SDCCAG8: variants seen among roughly 807,000 people sequenced by gnomAD.
SDCCAG8 encodes serologically defined colon cancer antigen 8.
Under a neutral mutation model 101.8 loss-of-function variants are expected in SDCCAG8, and 74 were observed. That is an observed-to-expected ratio of 0.73 (90% confidence interval 0.60 to 0.88). SDCCAG8 has a LOEUF of 0.88. Ranked by LOEUF, SDCCAG8 falls within the 40% of genes least tolerant of loss-of-function variation. SDCCAG8 has a pLI of 0.00. For missense variants in SDCCAG8, 787 were observed against 822.6 expected (o/e 0.96, Z 0.53); for synonymous variants, 281 against 292.9 (o/e 0.96, Z 0.41).
chr1:243,497,145 C>T (rs183594885), intron 17 of SDCCAG8, among the ~76,000 whole-genome samples: 50 of 152,224 alleles, frequency 3.3e-4, no homozygotes, highest in Non-Finnish European at 4.0e-4. Context: ...AAATAAGCAT[C>T]GTGGATATCC....
At chr1:243,413,132 T>C (rs2080298648) in intron 13 of SDCCAG8, among the ~76,000 whole-genome samples, 1 of 152,238 alleles carries the variant, frequency 6.6e-6, no homozygotes, top group Non-Finnish European at 1.5e-5. Context: ...GTAGAAGTCT[T>C]TTAAATTGTT....
chr1:243,326,295 A>G (rs2074144916), intron 9 of SDCCAG8, among the ~76,000 whole-genome samples: 2 of 152,198 alleles, frequency 1.3e-5, no homozygotes, highest in South Asian at 4.1e-4. Flanking sequence ...TCTGAAGATT[A>G]GTTTTTAAAA....
At chr1:243,296,213 C>T (rs923762738) in intron 6 of SDCCAG8, among the ~76,000 whole-genome samples, 1 of 152,128 alleles carries the variant, frequency 6.6e-6, no homozygotes, top group Non-Finnish European at 1.5e-5. Context: ...TCAAGCTAGT[C>T]TCAAACTCCT....
chr1:243,257,758 T>C (rs2066886427), intron 1 of SDCCAG8, among the ~76,000 whole-genome samples: 1 of 152,202 alleles, frequency 6.6e-6, no homozygotes, highest in African/African-American at 2.4e-5. Context: ...CTCAACCTAC[T>C]GATGTTTCAA....
At chr1:243,369,679 G>T (rs948217711) in intron 12 of SDCCAG8, among the ~76,000 whole-genome samples, 7 of 152,020 alleles carry the variant, frequency 4.6e-5, no homozygotes, top group Non-Finnish European at 8.8e-5. Context: ...ATACAACCTG[G>T]GCAAGAGACA....
At chr1:243,296,713 T>A (rs528636508) in intron 6 of SDCCAG8, among the ~76,000 whole-genome samples, 11 of 151,632 alleles carry the variant, frequency 7.3e-5, no homozygotes, top group African/African-American at 2.7e-4. Context: ...CGGCTAATTT[T>A]TTTTTGTATT....
intron 12 of SDCCAG8, among the ~76,000 whole-genome samples, chr1:243,365,065 C>T (rs989515735): frequency 6.6e-6 from 1 of 152,112 alleles, no homozygotes; most frequent in Non-Finnish European, 1.5e-5. Flanking sequence ...ACTGAGTTAG[C>T]GTTGTGGCTT....
intron 17 of SDCCAG8, among the ~76,000 whole-genome samples, chr1:243,492,295 CTTTTTTTTTTTT>C (rs33950392): frequency 3.6e-4 from 23 of 63,130 alleles, no homozygotes; most frequent in East Asian, 5.7e-4. Context: ...CGTTTCTTGG[CTTTTTTTTTTTT>C]TTTTTTTTTT....
chr1:243,483,432 C>CG (rs1441761590), intron 16 of SDCCAG8, among the ~76,000 whole-genome samples: 3 of 152,130 alleles, frequency 2.0e-5, no homozygotes, highest in African/African-American at 4.8e-5. Context: ...ACTCTTGCCT[C>CG]GGGGGGAGGG....
intron 13 of SDCCAG8, among the ~76,000 whole-genome samples, chr1:243,401,229 C>T (rs1445115882): frequency 6.6e-6 from 1 of 152,206 alleles, no homozygotes; most frequent in African/African-American, 2.4e-5. Context: ...TTCAATAAAT[C>T]AACTCCAGCA....
chr1:243,420,408 TG>T (rs1173930921), intron 15 of SDCCAG8, among the ~76,000 whole-genome samples: 2 of 152,232 alleles, frequency 1.3e-5, no homozygotes, highest in Non-Finnish European at 2.9e-5. Flanking sequence ...GGGTCTTGAC[TG>T]GTAATTTGGG....
chr1:243,475,209 C>A (rs1448828161), intron 16 of SDCCAG8, among the ~76,000 whole-genome samples: 2 of 152,210 alleles, frequency 1.3e-5, no homozygotes, highest in Non-Finnish European at 2.9e-5. Flanking sequence ...ACCGCCGCCA[C>A]TAAGCTTTGC....
At chr1:243,367,206 A>G (rs1202575766) in intron 12 of SDCCAG8, among the ~76,000 whole-genome samples, 1 of 151,982 alleles carries the variant, frequency 6.6e-6, no homozygotes, top group East Asian at 1.9e-4. Context: ...TAATTCTTTT[A>G]TCTACCAGCT....
chr1:243,323,094 C>CA (rs2073891373), intron 9 of SDCCAG8, among the ~76,000 whole-genome samples: 1 of 151,440 alleles, frequency 6.6e-6, no homozygotes, highest in African/African-American at 2.4e-5. Context: ...GAGATCACGC[C>CA]ACTGCACTCC....
At chr1:243,472,914 C>A (rs1661532422) in intron 16 of SDCCAG8, among the ~76,000 whole-genome samples, 1 of 152,176 alleles carries the variant, frequency 6.6e-6, no homozygotes, top group South Asian at 2.1e-4. Flanking sequence ...ACATAAATGT[C>A]CACCAGAAAT....
intron 7 of SDCCAG8, chr1:243,306,084 TAAAAA>T (rs67568926): frequency 7.4e-5 from 8 of 108,252 alleles, no homozygotes; most frequent in East Asian, 3.1e-4. Context: ...AGACTCCATC[TAAAAA>T]AAAAAAAAAA....
intron 16 of SDCCAG8, among the ~76,000 whole-genome samples, chr1:243,473,925 G>C (rs9428965): frequency 4.1e-5 from 3 of 73,922 alleles, no homozygotes; most frequent in South Asian, 6.7e-4. Flanking sequence ...TTGCCGGCGG[G>C]GGGGGGGGGG....
At chr1:243,324,374 C>T (rs1207223013) in intron 9 of SDCCAG8, among the ~76,000 whole-genome samples, 2 of 151,702 alleles carry the variant, frequency 1.3e-5, no homozygotes, top group Non-Finnish European at 2.9e-5. Context: ...TTCTCTCTCT[C>T]TTCAGAGTCA....
At chr1:243,480,819 A>T (rs1046898294) in intron 16 of SDCCAG8, among the ~76,000 whole-genome samples, 165 of 55,400 alleles carry the variant, frequency 3.0e-3, no homozygotes, top group East Asian at 6.2e-3. Context: ...GATGGGTGGG[A>T]TGGATGGATG....
Sources: gnomAD v4.1 joint callset for allele counts (sites outside exome capture counted in the v4.1 genomes callset) on GRCh38, gnomAD v4.1.1 for gene constraint, MANE v1.5 for transcripts, NCBI Gene and HGNC (gene_info 2026-07-23, HGNC 2026-07-21) for gene names.